The following CPNE2 variants were observed in gnomAD, a reference collection of about 807,000 sequenced individuals.
The protein encoded by CPNE2 is copine-2.
CPNE2 carries 42 observed loss-of-function variants against 69.7 expected under a neutral mutation model. The observed-to-expected ratio is 0.60, with a 90% confidence interval of 0.47 to 0.78. The LOEUF is 0.78. Ranked by LOEUF, CPNE2 falls within the 30% of genes least tolerant of loss-of-function variation. The probability of loss-of-function intolerance (pLI) is 0.00; values close to 1 mark genes in which losing one functional copy is unlikely to be tolerated. For synonymous variants in CPNE2, 294 were observed against 289.8 expected, an observed-to-expected ratio of 1.01 and a Z score of -0.15; for missense variants, 587 against 732.0, an observed-to-expected ratio of 0.80 and a Z score of 2.29.
chr16:57,123,181 T>G, intron 9 of CPNE2: 1 of 558,580 alleles, frequency 1.8e-6, no homozygotes, highest in Non-Finnish European at 3.2e-6. Context: ...AACCAGCATG[T>G]GTCTGTGTAT....
chr16:57,111,332 C>T (rs1413846294), intron 2 of CPNE2, among the ~76,000 whole-genome samples: 20 of 151,938 alleles, frequency 1.3e-4, no homozygotes, highest in South Asian at 2.1e-4. Context: ...GTGCACCCCA[C>T]GCCCAGCTAA....
intron 4 of CPNE2, among the ~76,000 whole-genome samples, chr16:57,117,227 G>C (rs1311756284): frequency 2.6e-5 from 4 of 152,136 alleles, no homozygotes; most frequent in Non-Finnish European, 4.4e-5. Flanking sequence ...TCTGGTCCTT[G>C]CTTCATCTCT....
At chr16:57,117,849 G>A (rs1190933654) in intron 5 of CPNE2, among the ~76,000 whole-genome samples, 1 of 152,224 alleles carries the variant, frequency 6.6e-6, no homozygotes, top group East Asian at 1.9e-4. Context: ...ACCCAATGGG[G>A]CCCTGCCTGA....
intron 13 of CPNE2, among the ~76,000 whole-genome samples, chr16:57,135,298 G>A (rs2069870868): frequency 6.6e-6 from 1 of 152,152 alleles, no homozygotes; most frequent in Non-Finnish European, 1.5e-5. Flanking sequence ...GGCAGGGGCT[G>A]GGAAGTGAGT....
intron 2 of CPNE2, 133 bp downstream of exon 2, chr16:57,111,055 T>C (rs1227754976): frequency 3.7e-6 from 2 of 534,330 alleles, no homozygotes; most frequent in African/African-American, 3.9e-5. Flanking sequence ...GGGGATTACT[T>C]GGTAAATTGT....
At chr16:57,140,223 TGCAATGGTGC>T (rs146913384) in intron 14 of CPNE2, among the ~76,000 whole-genome samples, 29,137 of 151,970 alleles carry the variant, frequency 0.19, 3,488 homozygotes, top group South Asian at 0.41. Flanking sequence ...CAGGCTGGAG[TGCAATGGTGC>T]AATCTTGGCT....
At chr16:57,096,660 C>T (rs574922738) in intron 1 of CPNE2, among the ~76,000 whole-genome samples, 1 of 146,854 alleles carries the variant, frequency 6.8e-6, no homozygotes, top group Admixed American at 6.8e-5. Flanking sequence ...GATTGTGCCA[C>T]TGTACTCCAA....
rs529710413 is a variant in CPNE2 at position 57,110,026 on chromosome 16, C to T, written c.-35-682C>T. On this transcript the variant is annotated intron_variant, in intron 1 of 15. Coordinates refer to ENST00000290776, the MANE Select transcript of CPNE2 (RefSeq NM_152727.6). ...CCACAAGATGCCAACATGCTAGTTG[C>T]TCAGGAGAAGCCCAGGTTTTCCTGG... Among the ~76,000 whole-genome samples, 229 of 152,288 alleles carry T rather than the reference C, an allele frequency of 1.5e-3. 1 individual carries two copies. The highest frequency in any genetic ancestry group is 5.2e-3 in the African/African-American group (216 of 41,574).
intron 14 of CPNE2, among the ~76,000 whole-genome samples, chr16:57,137,760 T>C (rs2069893701): frequency 6.6e-6 from 1 of 152,164 alleles, no homozygotes; most frequent in African/African-American, 2.4e-5. Context: ...GCGTGGCATC[T>C]GGAATATATG....
intron 1 of CPNE2, among the ~76,000 whole-genome samples, chr16:57,094,455 G>A (rs942634042): frequency 2.0e-5 from 3 of 152,182 alleles, no homozygotes; most frequent in Non-Finnish European, 2.9e-5. Context: ...AAGGGAAGAA[G>A]ATGGCTGAGA....
At chr16:57,107,496 C>G (rs1419555436) in intron 1 of CPNE2, among the ~76,000 whole-genome samples, 1 of 152,144 alleles carries the variant, frequency 6.6e-6, no homozygotes, top group Non-Finnish European at 1.5e-5. Context: ...CTGCATCTGC[C>G]CAGCAAGAGG....
At chr16:57,108,332 T>C (rs2069660552) in intron 1 of CPNE2, among the ~76,000 whole-genome samples, 1 of 152,256 alleles carries the variant, frequency 6.6e-6, no homozygotes, top group African/African-American at 2.4e-5. Flanking sequence ...ATTAGTGACA[T>C]TGTTCAGGTG....
Position 57,119,190 on chromosome 16 carries a change from C to T in CPNE2, c.508-5C>T. The T allele has an allele frequency of 6.2e-7, 1 of 1,613,832 alleles. No homozygotes were observed. Among genetic ancestry groups the T allele is most frequent in the Non-Finnish European group, 8.5e-7 (1 of 1,179,784 alleles). ...CTCTCACCCGCATCCTCCCACTTCT[C>T]CCAGGACCTCTTTGGGAAGTCAGAC... On this transcript the variant is annotated splice_polypyrimidine_tract_variant and splice_region_variant and intron_variant, in intron 5 of 15. Coordinates refer to ENST00000290776, the MANE Select transcript of CPNE2 (RefSeq NM_152727.6).
At chr16:57,098,435 G>A (rs1477297300) in intron 1 of CPNE2, among the ~76,000 whole-genome samples, 3 of 152,214 alleles carry the variant, frequency 2.0e-5, no homozygotes, top group African/African-American at 7.2e-5. Context: ...GCAGGAGCTG[G>A]TGCAGCAATG....
chr16:57,145,938 C>T, intron 14 of CPNE2, 147 bp from the exon 15 acceptor site: 1 of 674,854 alleles, frequency 1.5e-6, no homozygotes, highest in Non-Finnish European at 2.6e-6. Flanking sequence ...GAGCAGGACG[C>T]ATAGTGAGTT....
At chr16:57,119,118 C>A in intron 5 of CPNE2, 77 bp from the exon 6 acceptor site, 2 of 1,287,498 alleles carry the variant, frequency 1.6e-6, no homozygotes, top group Non-Finnish European at 2.2e-6. Flanking sequence ...GCTGGGGAGG[C>A]AGCAGGGCCA....
chr16:57,123,421 G>A lies in CPNE2; in HGVS notation c.875G>A (p.Arg292Gln), dbSNP rs954356076. Residue 292 changes from arginine to glutamine, a missense_variant, in exon 10 of 16, where the codon CGA becomes CAA. This residue lies in a region of CPNE2 where 269 missense variants were observed against 300.5 expected (regional missense o/e 0.90). Transcript: ENST00000290776. ...TCATCCGCTTTCTTCCAGATAAACCGAGACTACTCCTTCCTTGACTACATC... is the reference window on the plus strand; with the variant it reads ...TCATCCGCTTTCTTCCAGATAAACCAAGACTACTCCTTCCTTGACTACATC... ...IIILRSCKIN[R>Q]DYSFLDYILG... The A allele has an allele frequency of 2.0e-5, 32 of 1,612,934 alleles. No homozygotes were observed. Among genetic ancestry groups the A allele is most frequent in the Admixed American group, 5.0e-5 (3 of 60,022 alleles).
rs1460835201 is a variant in CPNE2, at chr16:57,092,900, C to T, written c.-36+110C>T. On this transcript the variant is annotated intron_variant, in intron 1 of 15. Coordinates refer to ENST00000290776, the MANE Select transcript of CPNE2 (RefSeq NM_152727.6). The surrounding 1 kb of genome is among the most constrained non-coding windows in gnomAD (Gnocchi z 5.3). ...GTCCGAAGGAACCCGGGTTCCGCCT[C>T]GGGGGGCTGCGGCGCTCTAGCCCCC... The T allele has an allele frequency of 4.6e-5, 7 of 151,884 alleles. No individual in the cohort carries two copies. Among genetic ancestry groups the T allele is most frequent in the African/African-American group, 1.7e-4 (7 of 41,374 alleles). 9.4% of individuals were successfully genotyped at this position (151,884 alleles called of 1,614,324 possible). A position where few individuals can be genotyped will look rare whatever the true frequency, so the allele number is the denominator to read the frequency against.
chr16:57,138,561 C>T (rs1350916376), intron 14 of CPNE2, among the ~76,000 whole-genome samples: 3 of 152,162 alleles, frequency 2.0e-5, no homozygotes, highest in Admixed American at 6.5e-5. Flanking sequence ...GTGTGTTCCT[C>T]GAGCACTCCT....
Sources: allele counts gnomAD v4.1 joint callset (sites outside exome capture counted in the v4.1 genomes callset), GRCh38; gene constraint gnomAD v4.1.1; regional missense constraint gnomAD v4.1.1; non-coding constraint Gnocchi (gnomAD v3.1); transcripts MANE v1.5; gene names NCBI Gene and HGNC (gene_info 2026-07-23, HGNC 2026-07-21).